The following CTNNA2 variants were observed in gnomAD, a reference collection of about 807,000 sequenced individuals.
CTNNA2 encodes the protein catenin alpha 2, also known as catenin alpha-2.
Under a neutral mutation model 101.0 loss-of-function variants are expected in CTNNA2, and 42 were observed. That is an observed-to-expected ratio of 0.42 (90% CI 0.32 to 0.54). The LOEUF is 0.54. CTNNA2 is among the 20% of genes least tolerant of loss of function. The pLI is 0.14. For missense variants in CTNNA2, 871 were observed against 1,223.1 expected, an observed-to-expected ratio of 0.71 and a Z score of 4.29; for synonymous variants, 450 against 456.4, an observed-to-expected ratio of 0.99 and a Z score of 0.18.
chr2:79,781,913 G>C (rs1242647221), intron 3 of CTNNA2, among the ~76,000 whole-genome samples: 1 of 152,122 alleles, frequency 6.6e-6, no homozygotes, highest in Non-Finnish European at 1.5e-5. Flanking sequence ...CATAAGAACT[G>C]TGAAATACTT....
chr2:79,210,088 T>TTGTGTGTGTGTG (rs59836500), intron 2 of CTNNA2, among the ~76,000 whole-genome samples: 12 of 144,788 alleles, frequency 8.3e-5, no homozygotes, highest in African/African-American at 1.6e-4. Context: ...TCAAGCTATA[T>TTGTGTGTGTGTG]TGTGTGTGTG....
At chr2:80,348,478 T>C (rs937674261) in intron 7 of CTNNA2, among the ~76,000 whole-genome samples, 2 of 152,150 alleles carry the variant, frequency 1.3e-5, no homozygotes, top group African/African-American at 4.8e-5. Context: ...ACTGCCTAAA[T>C]TGCACAGCCG....
At chr2:80,558,993 A>T (rs1405398108) in intron 12 of CTNNA2, among the ~76,000 whole-genome samples, 2 of 152,090 alleles carry the variant, frequency 1.3e-5, no homozygotes, top group Non-Finnish European at 2.9e-5. Flanking sequence ...CCATTATGGG[A>T]TGCTTAGAAG....
chr2:80,503,848 A>T (rs1383090401), intron 9 of CTNNA2, among the ~76,000 whole-genome samples: 1 of 152,126 alleles, frequency 6.6e-6, no homozygotes, highest in Non-Finnish European at 1.5e-5. Flanking sequence ...TTTGGAGTCT[A>T]GGAAATAGTC....
At chr2:80,097,747 T>G (rs1056720642) in intron 7 of CTNNA2, among the ~76,000 whole-genome samples, 6 of 152,226 alleles carry the variant, frequency 3.9e-5, no homozygotes, top group African/African-American at 1.4e-4. Context: ...TCACTTCATT[T>G]CATTCATTTC....
At chr2:79,314,917 G>A (rs1160765334) in intron 3 of CTNNA2, among the ~76,000 whole-genome samples, 2 of 152,164 alleles carry the variant, frequency 1.3e-5, no homozygotes, top group Non-Finnish European at 2.9e-5. Context: ...TTCTTGCACT[G>A]ATCCTTTAAT....
At chr2:79,718,885 T>C (rs1248139264) in intron 2 of CTNNA2, among the ~76,000 whole-genome samples, 1 of 151,986 alleles carries the variant, frequency 6.6e-6, no homozygotes. Flanking sequence ...TAAGGACAGT[T>C]AAATACCTGT....
chr2:79,444,220 A>G (rs1678806832), intron 4 of CTNNA2, among the ~76,000 whole-genome samples: 2 of 152,150 alleles, frequency 1.3e-5, no homozygotes, highest in African/African-American at 4.8e-5. Flanking sequence ...AGCATGTGCT[A>G]TTTTAAGCAA....
At chr2:79,480,353 C>A (rs570056162) in intron 4 of CTNNA2, among the ~76,000 whole-genome samples, 14 of 152,222 alleles carry the variant, frequency 9.2e-5, no homozygotes, top group African/African-American at 3.4e-4. Flanking sequence ...ATAAAAAACA[C>A]CAAGTTCTTA....
At chr2:79,944,437 G>A (rs1688358722) in intron 7 of CTNNA2, among the ~76,000 whole-genome samples, 1 of 152,152 alleles carries the variant, frequency 6.6e-6, no homozygotes, top group Non-Finnish European at 1.5e-5. Flanking sequence ...ACTTCTAGGA[G>A]TTTACTCAAA....
chr2:80,530,831 CA>C (rs1356006274), intron 9 of CTNNA2, among the ~76,000 whole-genome samples: 2 of 152,164 alleles, frequency 1.3e-5, no homozygotes, highest in Admixed American at 1.3e-4. Context: ...GGATTGCTCC[CA>C]GGGGAAAAGC....
intron 3 of CTNNA2, among the ~76,000 whole-genome samples, chr2:79,322,526 C>A (rs1329638934): frequency 6.6e-6 from 1 of 152,188 alleles, no homozygotes; most frequent in Non-Finnish European, 1.5e-5. Context: ...AGAAAATACT[C>A]TTAGCCCAGA....
chr2:79,216,166 G>C (rs546266324), intron 2 of CTNNA2, among the ~76,000 whole-genome samples: 9 of 152,258 alleles, frequency 5.9e-5, no homozygotes, highest in African/African-American at 2.2e-4. Flanking sequence ...CGGCTGTCAA[G>C]TTTGTATTGG....
At chr2:80,130,642 C>T (rs558143953) in intron 7 of CTNNA2, among the ~76,000 whole-genome samples, 24 of 152,162 alleles carry the variant, frequency 1.6e-4, no homozygotes, top group Middle Eastern at 3.4e-3. Context: ...TATCTGAATG[C>T]GGGAGGTGGC....
chr2:80,598,556 G>A (rs1697190579), intron 15 of CTNNA2, among the ~76,000 whole-genome samples: 1 of 152,098 alleles, frequency 6.6e-6, no homozygotes, highest in African/African-American at 2.4e-5. Flanking sequence ...GTAAAAACTT[G>A]TATTCACCCC....
chr2:79,729,748 A>G (rs1027033231), intron 2 of CTNNA2, among the ~76,000 whole-genome samples: 1 of 152,072 alleles, frequency 6.6e-6, no homozygotes, highest in African/African-American at 2.4e-5. Flanking sequence ...CAGCTTGACA[A>G]TATGGCAGTG....
intron 7 of CTNNA2, among the ~76,000 whole-genome samples, chr2:80,234,034 A>G (rs1573469507): frequency 1.5e-5 from 2 of 131,660 alleles, no homozygotes; most frequent in East Asian, 2.3e-4. Flanking sequence ...AATAAAGGAT[A>G]CTAATAGACT....
intron 2 of CTNNA2, among the ~76,000 whole-genome samples, chr2:79,199,453 G>A (rs1043888214): frequency 5.3e-5 from 8 of 152,056 alleles, no homozygotes; most frequent in African/African-American, 1.9e-4. Context: ...TTTAATGTAA[G>A]ACTTCTAGGA....
chr2:80,304,803 G>T (rs902911808), intron 7 of CTNNA2: 1 of 151,046 alleles, frequency 6.6e-6, no homozygotes, highest in African/African-American at 2.5e-5. Context: ...GACATGGGCA[G>T]ATTGAAAAGG....
Sources: allele counts gnomAD v4.1 joint callset (sites outside exome capture counted in the v4.1 genomes callset), GRCh38; gene constraint gnomAD v4.1.1; transcripts MANE v1.5; gene names NCBI Gene and HGNC (gene_info 2026-07-23, HGNC 2026-07-21).